The following ATAD2 variants were observed in gnomAD, a reference collection of about 807,000 sequenced individuals.
ATAD2 encodes the protein ATPase family AAA domain-containing protein 2.
Under a neutral mutation model 168.9 loss-of-function variants are expected in ATAD2, and 62 were observed. That is an observed-to-expected ratio of 0.37 (90% CI 0.30 to 0.45). The LOEUF is 0.45. Among genes scored for constraint, ATAD2 ranks in the 20% least tolerant of loss-of-function variants. ATAD2 has a pLI of 1.00. For missense variants in ATAD2, 1,419 were observed against 1,667.8 expected, an observed-to-expected ratio of 0.85 and a Z score of 2.60; for synonymous variants, 613 against 571.6, an observed-to-expected ratio of 1.07 and a Z score of -1.03.
At chr8:123,409,699 G>A (rs1813123935) in intron 1 of ATAD2, among the ~76,000 whole-genome samples, 1 of 151,780 alleles carries the variant, frequency 6.6e-6, no homozygotes, top group Non-Finnish European at 1.5e-5. Context: ...TGGGCACAGG[G>A]GCTCGCGTCT....
intron 1 of ATAD2, among the ~76,000 whole-genome samples, chr8:123,392,024 T>C (rs924892821): frequency 6.6e-6 from 1 of 152,214 alleles, no homozygotes; most frequent in Non-Finnish European, 1.5e-5. Context: ...TGCATTCTAA[T>C]TGCTCAACCA....
At chr8:123,357,864 T>C in intron 11 of ATAD2, 128 bp from the exon 12 acceptor site, 4 of 949,376 alleles carry the variant, frequency 4.2e-6, no homozygotes, top group Non-Finnish European at 6.0e-6. Flanking sequence ...TGAATTATGG[T>C]ACAGTTTCGC....
At chr8:123,324,899 C>T (rs1827566564) in intron 26 of ATAD2, among the ~76,000 whole-genome samples, 1 of 152,044 alleles carries the variant, frequency 6.6e-6, no homozygotes, top group African/African-American at 2.4e-5. Context: ...ATTCCTACCA[C>T]AGATCCTTGG....
At chr8:123,379,793 C>T (rs1037292730) in intron 2 of ATAD2, among the ~76,000 whole-genome samples, 4 of 151,716 alleles carry the variant, frequency 2.6e-5, no homozygotes, top group African/African-American at 9.7e-5. Context: ...TGGTCTCAAA[C>T]TCCTGACCTC....
rs765773035 is a variant in ATAD2 at position 123,372,646 on chromosome 8, G to A, written c.361C>T (p.His121Tyr). The A allele has an allele frequency of 1.3e-6, 2 of 1,589,840 alleles. No individual in the cohort carries two copies. Among genetic ancestry groups the A allele is most frequent in the East Asian group, 2.3e-5 (1 of 43,978 alleles). ...CTTTAACAGTACTTACCTTCTCTGT[G>A]CTCTTCTTTTTTTTTATCAGCCTGC... ...RQQADKKKEE[H>Y]REDKVIPVTR... The change falls in exon 3 of 28, where the codon CAC (histidine) becomes TAC (tyrosine). Residue 121 changes from histidine (H) to tyrosine (Y), a missense_variant. His to Tyr is a moderately conservative substitution (Grantham distance 83). Around this residue, in one of 5 missense-constraint regions of ATAD2, gnomAD observed 419 missense variants for 423.5 expected, o/e 0.99. Transcript: ENST00000287394.
Position 123,371,692 on chromosome 8 carries a change from G to T in ATAD2, c.514C>A (p.Leu172Met), listed in dbSNP as rs757497894. ...TACTTAGTTATAAGTTTGTCAAACAGCATGGACTGGTTTACACCACTATAA... is the reference window on the plus strand; with the variant it reads ...TACTTAGTTATAAGTTTGTCAAACATCATGGACTGGTTTACACCACTATAA... ...SRYSGVNQSMLFDKLITNTAE... is the reference protein window; with the variant it reads ...SRYSGVNQSMMFDKLITNTAE... The change falls in exon 4 of 28, where the codon CTG becomes ATG. Residue 172 changes from leucine to methionine, a missense_variant. By Grantham distance (15) the Leu-to-Met change is conservative (BLOSUM62 2). This residue lies in a region of ATAD2 where 419 missense variants were observed against 423.5 expected (regional missense o/e 0.99). Transcript: ENST00000287394. 6.2e-7 allele frequency: 1 copy of T among 1,606,126 alleles called. No individual in the cohort carries two copies. Among genetic ancestry groups the T allele is most frequent in the Admixed American group, 1.7e-5 (1 of 57,256 alleles).
chr8:123,360,784 T>C (rs1001108171), intron 9 of ATAD2, among the ~76,000 whole-genome samples: 2 of 152,042 alleles, frequency 1.3e-5, no homozygotes, highest in Non-Finnish European at 1.5e-5. Flanking sequence ...ATCTGTAAAA[T>C]GTAAATAATC....
intron 1 of ATAD2, among the ~76,000 whole-genome samples, chr8:123,388,038 C>T (rs952054268): frequency 6.6e-6 from 1 of 152,142 alleles, no homozygotes; most frequent in Non-Finnish European, 1.5e-5. Flanking sequence ...TTAGTTTTGT[C>T]TTTAAACATG....
At position 123,339,446 on chromosome 8, in the gene ATAD2, C is replaced by A. The variant is rs1034995180; in HGVS notation, c.2719G>T (p.Val907Leu). 5.1e-6 allele frequency: 8 copies of A among 1,578,796 alleles called. No individual in the cohort carries two copies. Among genetic ancestry groups the A allele is most frequent in the Non-Finnish European group, 6.9e-6 (8 of 1,163,236 alleles). Residue 907 changes from valine (V) to leucine (L), a missense_variant and splice_region_variant, in exon 20 of 28, where the codon GTG becomes TTG. Physicochemically the swap from Val to Leu is conservative, Grantham distance 32. Coordinates refer to ENST00000287394, the MANE Select transcript of ATAD2 (RefSeq NM_014109.4). The part of the protein sequence containing the change: ...DKPHSALPEE[V>L]QELFIRDYGE... ...TAATCACGGATAAACAATTCTTGCA[C>A]CTTAAAAAAGAAAATAAATGCAATA...
chr8:123,357,335 A>G (rs1041542775), intron 12 of ATAD2, among the ~76,000 whole-genome samples: 1 of 152,218 alleles, frequency 6.6e-6, no homozygotes, highest in African/African-American at 2.4e-5. Context: ...ATGAGACCTA[A>G]GACTCCAAAC....
rs1045499095 is a variant in ATAD2, at chr8:123,320,733, A to G, written c.*401T>C. ...ATGACAAAAAAGATGGGAAGGACAC[A>G]ATGGTTAAGTAAGTTTCTTGTCAGA... On this transcript the variant is annotated 3_prime_UTR_variant, in exon 28 of 28. Coordinates refer to ENST00000287394, the MANE Select transcript of ATAD2 (RefSeq NM_014109.4). 4 of 166,416 alleles carry G rather than the reference A, an allele frequency of 2.4e-5. No homozygotes were observed. The highest frequency in any genetic ancestry group is 9.6e-5 in the African/African-American group (4 of 41,600). 10.3% of individuals were successfully genotyped at this position (166,416 alleles called of 1,614,324 possible).
intron 3 of ATAD2, 99 bp downstream of exon 3, chr8:123,372,538 C>T (rs1438569627): frequency 3.4e-5 from 31 of 910,854 alleles, no homozygotes; most frequent in Non-Finnish European, 5.0e-5. Context: ...AAATTATACA[C>T]TTTAAACATG....
Position 123,328,497 on chromosome 8 carries a change from C to T in ATAD2, c.3561G>A (p.Lys1187=). 6.3e-7 allele frequency: 1 copy of T among 1,599,566 alleles called. No homozygotes were observed. The highest frequency in any genetic ancestry group is 1.2e-5 in the South Asian group (1 of 86,500). ...GATCTATGGCATTCTGGCTATCATC[C>T]TTTGCCTGTGAAATCTTCCTTCGCT... ...IKKRRKISQA[K]DDSQNAIDHK... The change falls in exon 25 of 28, where the codon AAG becomes AAA. Residue 1187 remains lysine, a synonymous_variant. Transcript: ENST00000287394.
rs760998919 is a variant in ATAD2 at position 123,396,250 on chromosome 8, C to T, written c.108G>A (p.Arg36=). 1 of 1,608,954 alleles carries T rather than the reference C, an allele frequency of 6.2e-7. No individual in the cohort carries two copies. Among genetic ancestry groups the T allele is most frequent in the Non-Finnish European group, 8.5e-7 (1 of 1,179,094 alleles). ...SDFLSLEHIG[R]RRLRSAGAAQ... ...CCGCGCCGGCCGAGCGGAGCCGCCT[C>T]CGGCCGATGTGCTCCAGACTGAGGA... The change falls in exon 1 of 28, where the codon CGG becomes CGA. Residue 36 remains arginine, a synonymous_variant. Coordinates refer to ENST00000287394, the MANE Select transcript of ATAD2 (RefSeq NM_014109.4).
chr8:123,382,634 A>G (rs1485520407), intron 1 of ATAD2, among the ~76,000 whole-genome samples: 2 of 152,248 alleles, frequency 1.3e-5, no homozygotes, highest in Non-Finnish European at 2.9e-5. Context: ...AGAAAGTTCT[A>G]AAACCACAAT....
At chr8:123,413,653 G>A (rs1813196569) in intron 1 of ATAD2, among the ~76,000 whole-genome samples, 1 of 152,136 alleles carries the variant, frequency 6.6e-6, no homozygotes, top group Non-Finnish European at 1.5e-5. Context: ...TGCCCTGGAA[G>A]AGCTCATGGC....
chr8:123,401,155 T>C, upstream of ATAD2: 5 of 1,072,680 alleles, frequency 4.7e-6, no homozygotes, highest in Middle Eastern at 5.9e-4. Context: ...AGGAGTGATG[T>C]TGAAAGAGGC....
At chr8:123,370,147 A>C (rs984830311) in intron 6 of ATAD2, 123 bp from the exon 7 acceptor site, 26 of 876,990 alleles carry the variant, frequency 3.0e-5, no homozygotes, top group South Asian at 3.7e-5. Flanking sequence ...AAAAAAAAAA[A>C]AACAACAAAA....
At chr8:123,389,962 A>T (rs868391381) in intron 1 of ATAD2, among the ~76,000 whole-genome samples, 31 of 108,568 alleles carry the variant, frequency 2.9e-4, no homozygotes, top group Admixed American at 7.4e-4. Context: ...CTATTATTTT[A>T]TATATATATA....
Sources: allele counts gnomAD v4.1 joint callset (sites outside exome capture counted in the v4.1 genomes callset), GRCh38; gene constraint gnomAD v4.1.1; regional missense constraint gnomAD v4.1.1; transcripts MANE v1.5; gene names NCBI Gene and HGNC (gene_info 2026-07-23, HGNC 2026-07-21).